The following PYHIN1 variants were observed in gnomAD, a reference collection of about 807,000 sequenced individuals.
PYHIN1 encodes pyrin and HIN domain family member 1.
A neutral mutation model predicts 43.7 loss-of-function variants in PYHIN1; 32 were observed. That is an observed-to-expected ratio of 0.73 (90% CI 0.55 to 0.98). The LOEUF is 0.98. Ranked by LOEUF, PYHIN1 falls within the 50% of genes least tolerant of loss-of-function variation. PYHIN1 has a pLI of 0.00. For synonymous variants in PYHIN1, 205 were observed against 203.1 expected (o/e 1.01, Z -0.08); for missense variants, 588 against 589.5 (o/e 1.00, Z 0.03).
chr1:158,939,585 C>A, intron 4 of PYHIN1: 1 of 1,410,702 alleles, frequency 7.1e-7, no homozygotes, highest in Non-Finnish European at 9.8e-7. Context: ...CTCTGACATA[C>A]ACCATGCTCC....
At chr1:158,959,293 C>T (rs753694169) in intron 7 of PYHIN1, among the ~76,000 whole-genome samples, 1 of 152,170 alleles carries the variant, frequency 6.6e-6, no homozygotes, top group African/African-American at 2.4e-5. Context: ...GCAGCCACAG[C>T]CTCGACTAGC....
the PYHIN1 span, among the ~76,000 whole-genome samples, chr1:158,982,706 A>G: frequency 9.7e-3 from 1,475 of 152,286 alleles, 26 homozygotes; most frequent in African/African-American, 0.033. Flanking sequence ...TCAGAATAAC[A>G]TTGAATCTGT....
At chr1:158,952,954 T>G (rs1649653217) in intron 7 of PYHIN1, among the ~76,000 whole-genome samples, 1 of 151,986 alleles carries the variant, frequency 6.6e-6, no homozygotes, top group East Asian at 1.9e-4. Flanking sequence ...AGCACAAGGG[T>G]CAGGGAGTTC....
chr1:158,979,422 A>C (rs544305631), downstream of PYHIN1, among the ~76,000 whole-genome samples: 5 of 152,208 alleles, frequency 3.3e-5, no homozygotes, highest in Non-Finnish European at 7.3e-5. Flanking sequence ...TGAGTGGCTT[A>C]TTACACTTAG....
chr1:158,971,530 A>G (rs1650933184), intron 7 of PYHIN1, among the ~76,000 whole-genome samples: 1 of 151,904 alleles, frequency 6.6e-6, no homozygotes, highest in Admixed American at 6.6e-5. Context: ...ACCTGATGCA[A>G]ATCACTGGAT....
At position 158,942,112 on chromosome 1, in the gene PYHIN1, T is replaced by C. The variant is rs780557643; in HGVS notation, c.715T>C (p.Phe239Leu). 6.2e-7 allele frequency: 1 copy of C among 1,614,084 alleles called. No homozygotes were observed. The highest frequency in any genetic ancestry group is 8.5e-7 in the Non-Finnish European group (1 of 1,179,984). The stretch of plus-strand genomic sequence containing the variant: ...CTCAGAAAATGAGCAAAGAAGAATG[T>C]TTCATGCTACAGTGGCTACGCAGAC... ...ESSENEQRRM[F>L]HATVATQTQF... The change falls in exon 5 of 9, where the codon TTT becomes CTT. Residue 239 changes from phenylalanine (F) to leucine (L), a missense_variant. Physicochemically the swap from Phe to Leu is conservative, Grantham distance 22. Transcript: ENST00000368140.
chr1:158,968,497 G>C (rs541535668), intron 7 of PYHIN1, among the ~76,000 whole-genome samples: 23 of 152,162 alleles, frequency 1.5e-4, no homozygotes, highest in South Asian at 6.2e-4. Flanking sequence ...CTGCCAGTGG[G>C]AGTGTTAATT....
At chr1:158,980,141 G>A (rs753243615), downstream of PYHIN1, among the ~76,000 whole-genome samples, 1 of 152,156 alleles carries the variant, frequency 6.6e-6, no homozygotes, top group African/African-American at 2.4e-5. Flanking sequence ...TGAAGATTTT[G>A]TGGACATTTA....
chr1:158,983,559 C>T, the PYHIN1 span, among the ~76,000 whole-genome samples: 33,001 of 151,708 alleles, frequency 0.22, 3,951 homozygotes, highest in African/African-American at 0.3. Flanking sequence ...TTTTTGAGGA[C>T]TTTTGCATCA....
the PYHIN1 span, among the ~76,000 whole-genome samples, chr1:158,989,871 T>C: frequency 7.0e-6 from 1 of 143,702 alleles, no homozygotes; most frequent in South Asian, 2.3e-4. Context: ...TAACATTTAT[T>C]AATTTCCTGT....
intron 7 of PYHIN1, among the ~76,000 whole-genome samples, chr1:158,970,115 T>C (rs1188263789): frequency 2.0e-5 from 3 of 151,950 alleles, no homozygotes; most frequent in African/African-American, 7.2e-5. Flanking sequence ...TCATGACTCA[T>C]CTAAAGCATA....
intron 7 of PYHIN1, among the ~76,000 whole-genome samples, chr1:158,956,465 A>C (rs1447744381): frequency 6.6e-6 from 1 of 151,418 alleles, no homozygotes; most frequent in African/African-American, 2.4e-5. Context: ...AAATCAATAA[A>C]TGTAATCCAG....
chr1:158,938,689 T>A, intron 3 of PYHIN1, 147 bp downstream of exon 3: 1 of 757,428 alleles, frequency 1.3e-6, no homozygotes, highest in Non-Finnish European at 2.0e-6. Flanking sequence ...TAATTGATCA[T>A]CTTTCTGCAA....
chr1:158,956,600 A>T (rs1327899686), intron 7 of PYHIN1, among the ~76,000 whole-genome samples: 2 of 151,922 alleles, frequency 1.3e-5, no homozygotes, highest in Non-Finnish European at 2.9e-5. Context: ...GATGGGACGT[A>T]TTTCAAAATA....
At chr1:158,949,828 A>T (rs1571743506) in intron 7 of PYHIN1, among the ~76,000 whole-genome samples, 2 of 152,218 alleles carry the variant, frequency 1.3e-5, no homozygotes, top group Non-Finnish European at 2.9e-5. Flanking sequence ...TTGTGAGCAC[A>T]GGAAGGAATG....
intron 7 of PYHIN1, among the ~76,000 whole-genome samples, chr1:158,962,917 AT>A (rs1273624203): frequency 6.6e-6 from 1 of 151,984 alleles, no homozygotes; most frequent in African/African-American, 2.4e-5. Flanking sequence ...TCTGCCCCTG[AT>A]CCCCTTAGTT....
At chr1:158,974,403 T>C (rs563205439) in intron 8 of PYHIN1, among the ~76,000 whole-genome samples, 13 of 152,222 alleles carry the variant, frequency 8.5e-5, no homozygotes, top group African/African-American at 3.1e-4. Flanking sequence ...CCACACTTGA[T>C]AATAAGTACA....
chr1:158,939,669 T>A, intron 4 of PYHIN1: 1 of 711,358 alleles, frequency 1.4e-6, no homozygotes, highest in Non-Finnish European at 2.5e-6. Context: ...CTATCCACCC[T>A]CTGGATCCCA....
intron 7 of PYHIN1, among the ~76,000 whole-genome samples, chr1:158,952,023 G>A (rs530819739): frequency 3.3e-5 from 5 of 152,060 alleles, no homozygotes; most frequent in South Asian, 4.2e-4. Flanking sequence ...GCTGTGGTCC[G>A]CCTGCGGAGC....
Sources: gnomAD v4.1 joint callset for allele counts (sites outside exome capture counted in the v4.1 genomes callset) on GRCh38, gnomAD v4.1.1 for gene constraint, MANE v1.5 for transcripts, NCBI Gene and HGNC (gene_info 2026-07-23, HGNC 2026-07-21) for gene names.